The following TTC9 variants were observed in gnomAD, a reference collection of about 807,000 sequenced individuals.
TTC9 encodes tetratricopeptide repeat domain 9, also known as tetratricopeptide repeat protein 9A.
Under a neutral mutation model 22.9 loss-of-function variants are expected in TTC9, and 13 were observed. That is an observed-to-expected ratio of 0.57 (90% CI 0.37 to 0.90). The LOEUF (loss-of-function observed/expected upper bound fraction) is 0.90. Among genes scored for constraint, TTC9 ranks in the 40% least tolerant of loss-of-function variants. TTC9 has a pLI of 0.01. For missense variants in TTC9, 280 were observed against 291.8 expected (o/e 0.96, Z 0.29); for synonymous variants, 148 against 133.2 (o/e 1.11, Z -0.77).
At chr14:70,665,030 C>T (rs530392428) in intron 1 of TTC9, among the ~76,000 whole-genome samples, 1 of 152,218 alleles carries the variant, frequency 6.6e-6, no homozygotes, top group South Asian at 2.1e-4. Flanking sequence ...GAGGCTTCCC[C>T]ATTTCCAGGC....
At position 70,642,286 on chromosome 14, in the gene TTC9, C is replaced by G; in HGVS notation, c.157C>G (p.Leu53Val). Residue 53 changes from leucine to valine, a missense_variant, in exon 1 of 3, where the codon CTC (leucine) becomes GTC (valine). Leu to Val is a conservative substitution (Grantham distance 32). This residue lies in a region of TTC9 where 165 missense variants were observed against 145.4 expected (regional missense o/e 1.14). Transcript: ENST00000256367. ...CGGGGCGGCGGCCGAGCCGGCCGAG[C>G]TCATCCGACGAGCGCACGAGTTCAA... ...QVGAAAEPAELIRRAHEFKSQ... is the reference protein window; with the variant it reads ...QVGAAAEPAEVIRRAHEFKSQ... The G allele has an allele frequency of 6.6e-7, 1 of 1,525,298 alleles. No individual in the cohort carries two copies. Among genetic ancestry groups the G allele is most frequent in the Non-Finnish European group, 8.8e-7 (1 of 1,137,704 alleles). 94.5% of individuals were successfully genotyped at this position (1,525,298 alleles called of 1,614,324 possible). A position where few individuals can be genotyped will look rare whatever the true frequency, so the allele number is the denominator to read the frequency against.
In TTC9 at chr14:70,642,085, G is replaced by C. The variant is rs1339693387; in HGVS notation, c.-45G>C. ...GGGAAGGCGCGGCGGCGGCGGCGGC[G>C]GCGGGCAGATCGCGGCGCGCACCAG... On this transcript the variant is annotated 5_prime_UTR_variant, in exon 1 of 3. Transcript: ENST00000256367. 23 of 1,042,384 alleles carry C rather than the reference G, an allele frequency of 2.2e-5. No homozygotes were observed. Among genetic ancestry groups the C allele is most frequent in the Non-Finnish European group, 2.6e-5 (23 of 868,932 alleles). 64.6% of individuals were successfully genotyped at this position (1,042,384 alleles called of 1,614,324 possible).
At chr14:70,665,546 C>T (rs985158173) in intron 1 of TTC9, among the ~76,000 whole-genome samples, 8 of 152,148 alleles carry the variant, frequency 5.3e-5, no homozygotes, top group Admixed American at 1.3e-4. Context: ...CAAGAGCTGC[C>T]CTCGGGGGTT....
At chr14:70,653,593 A>C (rs1030281423) in intron 1 of TTC9, among the ~76,000 whole-genome samples, 4 of 152,216 alleles carry the variant, frequency 2.6e-5, no homozygotes, top group East Asian at 1.9e-4. Context: ...AAACACTTAG[A>C]AACTGTGGGT....
intron 1 of TTC9, among the ~76,000 whole-genome samples, chr14:70,663,952 A>T (rs1886178632): frequency 6.6e-6 from 1 of 151,852 alleles, no homozygotes; most frequent in Non-Finnish European, 1.5e-5. Flanking sequence ...TCCTAATTCT[A>T]CCCCCTTCCA....
chr14:70,663,134 G>T (rs912894372), intron 1 of TTC9, among the ~76,000 whole-genome samples: 1 of 152,144 alleles, frequency 6.6e-6, no homozygotes, highest in Admixed American at 6.5e-5. Context: ...GACCAGAAGG[G>T]TCTCTGTGTC....
chr14:70,644,803 G>T (rs1381725297), intron 1 of TTC9, among the ~76,000 whole-genome samples: 1 of 152,214 alleles, frequency 6.6e-6, no homozygotes, highest in Admixed American at 6.5e-5. Flanking sequence ...TCAGCTAGGA[G>T]GATGGTTCAA....
intron 1 of TTC9, among the ~76,000 whole-genome samples, chr14:70,650,022 T>G (rs1885956918): frequency 6.6e-6 from 1 of 152,216 alleles, no homozygotes; most frequent in African/African-American, 2.4e-5. Context: ...TCCCCGCCCA[T>G]GTCTCTCCTC....
chr14:70,643,330 A>C (rs1029582071), intron 1 of TTC9, among the ~76,000 whole-genome samples: 25 of 152,154 alleles, frequency 1.6e-4, no homozygotes, highest in Admixed American at 3.9e-4. Context: ...CCCTTTGGGG[A>C]TAAGAGCCAA....
chr14:70,666,794 T>G (rs970422819), intron 1 of TTC9, among the ~76,000 whole-genome samples: 1 of 152,192 alleles, frequency 6.6e-6, no homozygotes, highest in Non-Finnish European at 1.5e-5. Flanking sequence ...GTAATACATG[T>G]AAAACAATGA....
At chr14:70,657,761 T>C (rs2139645705) in intron 1 of TTC9, among the ~76,000 whole-genome samples, 1 of 151,766 alleles carries the variant, frequency 6.6e-6, no homozygotes, top group Admixed American at 6.6e-5. Context: ...AGGTCAGGAG[T>C]TCAAGACCAG....
chr14:70,649,147 C>T (rs1429473458), intron 1 of TTC9, among the ~76,000 whole-genome samples: 1 of 152,072 alleles, frequency 6.6e-6, no homozygotes, highest in Non-Finnish European at 1.5e-5. Flanking sequence ...TATTCACCAC[C>T]ATCTGAAGCA....
Position 70,642,127 on chromosome 14 carries a change from C to A in TTC9, c.-3C>A. ...GCGCACCAGGCGCCGGGGCGGCGGC[C>A]GAATGGAGAGAAAGGGCTCGGCGGC... On this transcript the variant is annotated 5_prime_UTR_variant, in exon 1 of 3. Coordinates refer to ENST00000256367, the MANE Select transcript of TTC9 (RefSeq NM_015351.2). 1.8e-6 allele frequency: 2 copies of A among 1,131,892 alleles called. No individual in the cohort carries two copies. Among genetic ancestry groups the A allele is most frequent in the Non-Finnish European group, 2.2e-6 (2 of 922,122 alleles). The allele number at this position is 1,131,892 out of a possible 1,614,324, so 70.1% of individuals were successfully genotyped here.
intron 1 of TTC9, among the ~76,000 whole-genome samples, chr14:70,662,464 ACAGAAGCCCT>A (rs1224137350): frequency 6.6e-6 from 1 of 151,898 alleles, no homozygotes; most frequent in African/African-American, 2.4e-5. Flanking sequence ...TTGTTGTCTT[ACAGAAGCCCT>A]CTTGATCACT....
rs762892061 is a variant in TTC9 at position 70,659,132 on chromosome 14, G to GCGCACA, written c.407-8431_407-8430insGCACAC. ...TGTATATAACTAAACACACACACAC[G>GCGCACA]CACACACACACACACACACACACAC... On this transcript the variant is annotated intron_variant, in intron 1 of 2. Transcript: ENST00000256367. 2.3e-3 allele frequency among the ~76,000 whole-genome samples: 328 copies of GCGCACA among 144,322 alleles called. 2 individuals are homozygous for GCGCACA. Among genetic ancestry groups the GCGCACA allele is most frequent in the South Asian group, 0.01 (47 of 4,498 alleles). The allele number at this position is 144,322 out of a possible 152,430, so 94.7% of individuals were successfully genotyped here.
chr14:70,671,138 GAA>G lies in TTC9; in HGVS notation c.656_657del (p.Lys219ArgfsTer16). On this transcript the variant is annotated frameshift_variant, in exon 3 of 3. Transcript: ENST00000256367. LOFTEE classifies it high-confidence loss of function. ...EMKLSRCSQR[E>X]KEAM ...GAAACTCAGCCGATGCTCCCAGAGA[GAA>G]AAAGAAGCCATGTAACCAGGAAGCA... The G allele has an allele frequency of 6.2e-7, 1 of 1,613,692 alleles. No individual in the cohort carries two copies. Among genetic ancestry groups the G allele is most frequent in the Non-Finnish European group, 8.5e-7 (1 of 1,179,740 alleles).
At chr14:70,665,637 G>A (rs1886205478) in intron 1 of TTC9, among the ~76,000 whole-genome samples, 2 of 152,308 alleles carry the variant, frequency 1.3e-5, no homozygotes, top group South Asian at 2.1e-4. Flanking sequence ...GATCTGGGCT[G>A]ATTCTCTTTC....
rs1197885713 is a variant in TTC9 at position 70,673,638 on chromosome 14, T to A, written c.*2483T>A. The A allele has an allele frequency of 1.3e-5, 2 of 151,228 alleles. No homozygotes were observed. The highest frequency in any genetic ancestry group is 4.9e-5 in the African/African-American group (2 of 41,052). The allele number at this position is 151,228 out of a possible 1,614,324, so 9.4% of individuals were successfully genotyped here. A position where few individuals can be genotyped will look rare whatever the true frequency, so the allele number is the denominator to read the frequency against. On this transcript the variant is annotated 3_prime_UTR_variant, in exon 3 of 3. Coordinates refer to ENST00000256367, the MANE Select transcript of TTC9 (RefSeq NM_015351.2). ...GTTTGTGATTTGGCAGATGGTTTGTTAGGATCTGAAGGATGAAGAGAAGGG... is the reference window on the plus strand; with the variant it reads ...GTTTGTGATTTGGCAGATGGTTTGTAAGGATCTGAAGGATGAAGAGAAGGG...
Position 70,672,683 on chromosome 14 carries a change from G to A in TTC9, c.*1528G>A, listed in dbSNP as rs1886314246. The A allele has an allele frequency of 6.6e-6, 1 of 152,148 alleles. No individual in the cohort carries two copies. The highest frequency in any genetic ancestry group is 2.4e-5 in the African/African-American group (1 of 41,432). The allele number at this position is 152,148 out of a possible 1,614,324, so 9.4% of individuals were successfully genotyped here. Reference sequence around the variant, plus strand: ...ACAGATGCAATAATGTGAATAGTTAGGATTTATTAAATGCATTATCTTCAG... The same window carrying A: ...ACAGATGCAATAATGTGAATAGTTAAGATTTATTAAATGCATTATCTTCAG... On this transcript the variant is annotated 3_prime_UTR_variant, in exon 3 of 3. Transcript: ENST00000256367.
Sources: allele counts gnomAD v4.1 joint callset (sites outside exome capture counted in the v4.1 genomes callset), GRCh38; gene constraint gnomAD v4.1.1; regional missense constraint gnomAD v4.1.1; transcripts MANE v1.5; gene names NCBI Gene and HGNC (gene_info 2026-07-23, HGNC 2026-07-21).